Variants in AGTPBP1 observed in about 807,000 individuals in gnomAD.
AGTPBP1 encodes cytosolic carboxypeptidase 1.
Under a neutral mutation model 143.9 loss-of-function variants are expected in AGTPBP1, and 70 were observed. The observed-to-expected ratio is 0.49, with a 90% confidence interval of 0.40 to 0.59. The LOEUF (loss-of-function observed/expected upper bound fraction) is 0.59. Ranked by LOEUF, AGTPBP1 falls within the 20% of genes least tolerant of loss-of-function variation. The pLI is 0.00. For synonymous variants in AGTPBP1, 463 were observed against 500.2 expected, an observed-to-expected ratio of 0.93 and a Z score of 0.99; for missense variants, 1,229 against 1,464.5, an observed-to-expected ratio of 0.84 and a Z score of 2.62.
chr9:85,667,538 A>G (rs1007487668), intron 8 of AGTPBP1, among the ~76,000 whole-genome samples: 1 of 152,146 alleles, frequency 6.6e-6, no homozygotes, highest in Non-Finnish European at 1.5e-5. Context: ...GTGGATGGGG[A>G]CATTTCTAAT....
chr9:85,752,189 G>T, the AGTPBP1 span, among the ~76,000 whole-genome samples: 1 of 152,024 alleles, frequency 6.6e-6, no homozygotes, highest in Non-Finnish European at 1.5e-5. Context: ...AGTGAGCTGA[G>T]ATTATGCTAT....
chr9:85,726,007 G>A (rs1037527855), intron 1 of AGTPBP1, among the ~76,000 whole-genome samples: 4 of 127,920 alleles, frequency 3.1e-5, no homozygotes, highest in Admixed American at 2.9e-4. Context: ...AGTGAGCCAA[G>A]ATCATGCTAC....
chr9:85,764,774 A>G, the AGTPBP1 span: 31 of 1,305,512 alleles, frequency 2.4e-5, no homozygotes, highest in Non-Finnish European at 2.1e-5. Flanking sequence ...CTTCTCTGAA[A>G]AGAATGTGCA....
the AGTPBP1 span, among the ~76,000 whole-genome samples, chr9:85,779,241 AG>A: frequency 7.3e-6 from 1 of 137,912 alleles, no homozygotes; most frequent in Non-Finnish European, 1.6e-5. Context: ...ATATAGATAT[AG>A]ATATCTATAT....
intron 1 of AGTPBP1, among the ~76,000 whole-genome samples, chr9:85,717,883 G>C (rs1340305362): frequency 6.6e-6 from 1 of 151,446 alleles, no homozygotes; most frequent in Non-Finnish European, 1.5e-5. Context: ...CTGTGTCCAT[G>C]TGTTCTCATT....
chr9:85,666,871 A>G (rs780481105), intron 8 of AGTPBP1, among the ~76,000 whole-genome samples: 6 of 152,136 alleles, frequency 3.9e-5, no homozygotes, highest in Non-Finnish European at 7.4e-5. Context: ...TTAGCTAGGA[A>G]TCATTCATAC....
chr9:85,630,380 T>G (rs148526347), intron 14 of AGTPBP1, among the ~76,000 whole-genome samples: 160 of 151,828 alleles, frequency 1.1e-3, no homozygotes, highest in Middle Eastern at 3.4e-3. Context: ...ATTGACTTAC[T>G]TACTTACTTA....
chr9:85,570,643 G>A (rs1442794721), intron 25 of AGTPBP1, among the ~76,000 whole-genome samples: 1 of 152,116 alleles, frequency 6.6e-6, no homozygotes, highest in Non-Finnish European at 1.5e-5. Flanking sequence ...CCCTCAGGAC[G>A]TGAGCTCTCA....
chr9:85,597,706 A>G (rs1469131712), intron 17 of AGTPBP1, among the ~76,000 whole-genome samples: 1 of 152,138 alleles, frequency 6.6e-6, no homozygotes, highest in Non-Finnish European at 1.5e-5. Context: ...TATACTTCAC[A>G]GTTTTAATTA....
intron 1 of AGTPBP1, among the ~76,000 whole-genome samples, chr9:85,721,391 G>T (rs1344824399): frequency 6.6e-6 from 1 of 152,042 alleles, no homozygotes; most frequent in African/African-American, 2.4e-5. Flanking sequence ...TCTTCTTGTT[G>T]AATTGATCCC....
chr9:85,605,543 C>T (rs1223765503), intron 17 of AGTPBP1, among the ~76,000 whole-genome samples: 1 of 151,986 alleles, frequency 6.6e-6, no homozygotes, highest in Admixed American at 6.6e-5. Flanking sequence ...AATAAGAAAT[C>T]ATCAGAAAGT....
At chr9:85,589,777 A>G in intron 19 of AGTPBP1, 96 bp from the exon 20 acceptor site, 1 of 1,227,030 alleles carries the variant, frequency 8.1e-7, no homozygotes, top group East Asian at 2.6e-5. Context: ...ACTAGAAGTG[A>G]ATCAGATTCT....
intron 25 of AGTPBP1, among the ~76,000 whole-genome samples, chr9:85,549,566 A>T (rs1044781794): frequency 6.6e-6 from 1 of 152,210 alleles, no homozygotes; most frequent in African/African-American, 2.4e-5. Context: ...ACAAAAGGAA[A>T]GGGTTTACAG....
At chr9:85,639,367 G>GCGCGCACACACACA (rs1554713133) in intron 13 of AGTPBP1, among the ~76,000 whole-genome samples, 1 of 147,232 alleles carries the variant, frequency 6.8e-6, no homozygotes, top group African/African-American at 2.5e-5. Flanking sequence ...GCGCGCACGC[G>GCGCGCACACACACA]CACACACACA....
chr9:85,729,611 A>G (rs1269385331), intron 1 of AGTPBP1, among the ~76,000 whole-genome samples: 3 of 152,194 alleles, frequency 2.0e-5, no homozygotes, highest in African/African-American at 7.2e-5. Context: ...TGCCAGCCAT[A>G]CATCTAGATA....
At chr9:85,548,674 TG>T (rs67510744) in intron 25 of AGTPBP1, among the ~76,000 whole-genome samples, 8,705 of 145,114 alleles carry the variant, frequency 0.06, 399 homozygotes, top group African/African-American at 0.14. Context: ...GGTTTTTTTT[TG>T]TTTTTGTTTT....
intron 14 of AGTPBP1, among the ~76,000 whole-genome samples, chr9:85,624,447 T>C (rs1831145669): frequency 6.6e-6 from 1 of 152,218 alleles, no homozygotes; most frequent in South Asian, 2.1e-4. Flanking sequence ...GCACACTTTA[T>C]ATGCATATAT....
At chr9:85,687,818 G>T (rs540982809) in intron 3 of AGTPBP1, among the ~76,000 whole-genome samples, 3 of 152,130 alleles carry the variant, frequency 2.0e-5, no homozygotes, top group Non-Finnish European at 4.4e-5. Flanking sequence ...GGCCAGGCGC[G>T]GTGGCTCATG....
chr9:85,672,712 A>G, intron 6 of AGTPBP1, 31 bp from the exon 7 acceptor site: 1 of 1,495,416 alleles, frequency 6.7e-7, no homozygotes. Context: ...CAATTTATGC[A>G]CATACAACTT....
Sources: allele counts gnomAD v4.1 joint callset (sites outside exome capture counted in the v4.1 genomes callset), GRCh38; gene constraint gnomAD v4.1.1; transcripts MANE v1.5; gene names NCBI Gene and HGNC (gene_info 2026-07-23, HGNC 2026-07-21).